NUP210L: variants seen among roughly 807,000 people sequenced by gnomAD.
The protein encoded by NUP210L is nuclear pore membrane glycoprotein 210-like.
NUP210L carries 74 observed loss-of-function variants against 208.5 expected under a neutral mutation model. That is an observed-to-expected ratio of 0.35 (90% CI 0.29 to 0.43). The LOEUF (loss-of-function observed/expected upper bound fraction) is 0.43, where lower values mean the gene tolerates loss of function less well. Ranked by LOEUF, NUP210L falls within the 20% of genes least tolerant of loss-of-function variation. NUP210L has a pLI of 1.00. For missense variants in NUP210L, 1,843 were observed against 2,289.4 expected (o/e 0.81, Z 3.98); for synonymous variants, 780 against 816.9 (o/e 0.95, Z 0.77).
intron 35 of NUP210L, among the ~76,000 whole-genome samples, chr1:154,006,946 G>GTGTGTGTATATATATA (rs767785200): frequency 3.1e-5 from 3 of 95,442 alleles, no homozygotes; most frequent in Non-Finnish European, 4.1e-5. Context: ...GTGTGTGTGT[G>GTGTGTGTATATATATA]TATATATATA....
Position 154,017,049 on chromosome 1 carries a change from G to A in NUP210L, c.4653+1884C>T, listed in dbSNP as rs985797823. 3.3e-5 allele frequency among the ~76,000 whole-genome samples: 5 copies of A among 152,128 alleles called. No individual in the cohort carries two copies. In the East Asian group the frequency reaches 9.6e-4, roughly 29 times the overall value. On this transcript the variant is annotated intron_variant, in intron 33 of 39. Transcript: ENST00000368559. ...TAATCCCAGCAATCTGGGAGGCGGA[G>A]GCGAGCAGATCACATGAGGCCAGTA...
At position 154,028,276 on chromosome 1, in the gene NUP210L, CTG is replaced by C. The variant is rs1388748862; in HGVS notation, c.3856-681_3856-680del. Among the ~76,000 whole-genome samples, 2 of 152,152 alleles carry C rather than the reference CTG, an allele frequency of 1.3e-5. 1 individual carries two copies. Among genetic ancestry groups the C allele is most frequent in the Admixed American group, 1.3e-4 (2 of 15,252 alleles). On this transcript the variant is annotated intron_variant, in intron 28 of 39. Coordinates refer to ENST00000368559, the Ensembl canonical transcript of NUP210L. ...AAGTTAGAATTATGTTTTATCCTAA[CTG>C]TGAATATATTTAAATGGACTTATAT...
At chr1:154,105,805 T>C (rs773167456) in intron 12 of NUP210L, among the ~76,000 whole-genome samples, 15 of 152,236 alleles carry the variant, frequency 9.9e-5, no homozygotes, top group East Asian at 3.9e-4. Context: ...GGAGCCCACT[T>C]CACTGAAGGG....
intron 12 of NUP210L, 129 bp from the exon 13 acceptor site, chr1:154,104,339 T>A (rs181461223): frequency 5.7e-6 from 4 of 706,748 alleles, no homozygotes; most frequent in Non-Finnish European, 7.3e-6. Context: ...ATTGAATGAC[T>A]ATCCATACAA....
chr1:154,041,645 A>T (rs1162011086), intron 27 of NUP210L, among the ~76,000 whole-genome samples: 1 of 140,298 alleles, frequency 7.1e-6, no homozygotes, highest in Non-Finnish European at 1.6e-5. Flanking sequence ...AAAACTAGAG[A>T]AAAAAAAAAA....
chr1:154,043,829 G>A (rs1236285914), intron 27 of NUP210L, among the ~76,000 whole-genome samples: 1 of 151,324 alleles, frequency 6.6e-6, no homozygotes, highest in East Asian at 2.0e-4. Context: ...GTTACACCAT[G>A]TTGGCCAGGC....
At chr1:154,119,986 T>C (rs1243176573) in intron 10 of NUP210L, among the ~76,000 whole-genome samples, 4 of 152,194 alleles carry the variant, frequency 2.6e-5, no homozygotes, top group African/African-American at 4.8e-5. Context: ...TCCACAATGG[T>C]TGAACTAGTT....
chr1:154,057,894 C>T (rs1252462119), intron 22 of NUP210L, among the ~76,000 whole-genome samples, 195 bp downstream of exon 22: 2 of 152,050 alleles, frequency 1.3e-5, no homozygotes, highest in Non-Finnish European at 2.9e-5. Flanking sequence ...CAGGCATGTA[C>T]CCTCACGCCA....
At chr1:154,015,355 GCAGGTAGAACACTTGAGCC>G (rs1651176868) in intron 33 of NUP210L, among the ~76,000 whole-genome samples, 2 of 151,910 alleles carry the variant, frequency 1.3e-5, no homozygotes, top group African/African-American at 2.4e-5. Flanking sequence ...GGAGGCTGAG[GCAGGTAGAACACTTGAGCC>G]CAGGAGTTCG....
chr1:154,013,731 T>C (rs975200990), intron 33 of NUP210L, among the ~76,000 whole-genome samples: 3 of 152,176 alleles, frequency 2.0e-5, no homozygotes, highest in Admixed American at 6.6e-5. Flanking sequence ...AGAATACTTG[T>C]ACTATTCTGC....
Position 154,107,767 on chromosome 1 carries a change from G to A in NUP210L, c.1621-3557C>T, listed in dbSNP as rs187931968. ...TATAATCCCAGCTACTTGGGAGGCT[G>A]AGGCATGAAAATCACTTGAACCTAG... On this transcript the variant is annotated intron_variant, in intron 12 of 39. Transcript: ENST00000368559. 1.9e-3 allele frequency among the ~76,000 whole-genome samples: 292 copies of A among 152,190 alleles called. 1 individual carries two copies. Among genetic ancestry groups the A allele is most frequent in the Non-Finnish European group, 1.9e-3 (132 of 68,014 alleles).
intron 27 of NUP210L, among the ~76,000 whole-genome samples, chr1:154,030,518 G>C (rs1044540236): frequency 6.6e-6 from 1 of 151,912 alleles, no homozygotes; most frequent in Non-Finnish European, 1.5e-5. Flanking sequence ...GGCTGGTCTT[G>C]AACTCGTGGC....
chr1:154,012,699 T>C, intron 33 of NUP210L, among the ~76,000 whole-genome samples: 1 of 152,014 alleles, frequency 6.6e-6, no homozygotes, highest in East Asian at 1.9e-4. Context: ...TGTGTCACCA[T>C]GCCTAACCAA....
chr1:154,055,177 TTCTTTCTTTC>T (rs1368467435), intron 23 of NUP210L, among the ~76,000 whole-genome samples: 1 of 81,228 alleles, frequency 1.2e-5, no homozygotes, highest in Non-Finnish European at 3.0e-5. Context: ...CTTTCTTTCT[TTCTTTCTTTC>T]TTTTTCTTTC....
chr1:154,123,112 T>C (rs1557992602), intron 10 of NUP210L, among the ~76,000 whole-genome samples: 1 of 151,804 alleles, frequency 6.6e-6, no homozygotes, highest in Admixed American at 6.6e-5. Context: ...TCAGCGAAGT[T>C]GCCATATACA....
intron 35 of NUP210L, among the ~76,000 whole-genome samples, chr1:154,006,964 ATATTTT>A (rs1235769767): frequency 2.4e-4 from 27 of 114,844 alleles, no homozygotes; most frequent in African/African-American, 8.3e-4. Context: ...ATATATATAT[ATATTTT>A]TTTTTTTTTT....
chr1:154,083,668 T>C lies in NUP210L; in HGVS notation c.2361+5753A>G, dbSNP rs555222233. Reference sequence around the variant, plus strand: ...ACCCATACGTTTGGTTACAGAAGTCTTCTTTTTTCTTCTTCCCTCTCTCAT... The same window carrying C: ...ACCCATACGTTTGGTTACAGAAGTCCTCTTTTTTCTTCTTCCCTCTCTCAT... On this transcript the variant is annotated intron_variant, in intron 16 of 39. Coordinates refer to ENST00000368559, the Ensembl canonical transcript of NUP210L. 2.6e-5 allele frequency among the ~76,000 whole-genome samples: 4 copies of C among 152,218 alleles called. No individual in the cohort carries two copies. In the East Asian group the frequency reaches 5.8e-4, roughly 22 times the overall value.
At chr1:154,152,211 G>A (rs904617219) in intron 2 of NUP210L, among the ~76,000 whole-genome samples, 10 of 226 alleles carry the variant, frequency 0.044, no homozygotes, top group South Asian at 0.5. Flanking sequence ...TCCCTCTGTC[G>A]CCCCGCTGGA....
chr1:154,052,310 A>G (rs1057048649), intron 25 of NUP210L, among the ~76,000 whole-genome samples: 1 of 152,206 alleles, frequency 6.6e-6, no homozygotes, highest in African/African-American at 2.4e-5. Context: ...ATCATGAGCC[A>G]GATGCTGAAG....
Sources: allele counts gnomAD v4.1 joint callset (sites outside exome capture counted in the v4.1 genomes callset), GRCh38; gene constraint gnomAD v4.1.1; transcripts MANE v1.5; gene names NCBI Gene and HGNC (gene_info 2026-07-23, HGNC 2026-07-21).